The following SMYD3 variants were observed in gnomAD, a reference collection of about 807,000 sequenced individuals.
SMYD3 encodes the protein SET and MYND domain containing 3, also known as histone-lysine N-methyltransferase SMYD3.
A neutral mutation model predicts 57.7 loss-of-function variants in SMYD3; 36 were observed. That is an observed-to-expected ratio of 0.62 (90% confidence interval 0.48 to 0.82). SMYD3 has a LOEUF of 0.82. Among genes scored for constraint, SMYD3 ranks in the 40% least tolerant of loss-of-function variants. The pLI, the probability that SMYD3 is intolerant of heterozygous loss-of-function variation, is 0.00. For synonymous variants in SMYD3, 211 were observed against 195.0 expected, an observed-to-expected ratio of 1.08 and a Z score of -0.68; for missense variants, 515 against 538.8, an observed-to-expected ratio of 0.96 and a Z score of 0.44.
intron 5 of SMYD3, among the ~76,000 whole-genome samples, chr1:246,298,943 A>G (rs916119536): frequency 2.0e-5 from 3 of 152,178 alleles, no homozygotes; most frequent in African/African-American, 7.2e-5. Context: ...GGCAAGGATG[A>G]AAAAGAGTAA....
chr1:246,203,036 A>G lies in SMYD3; in HGVS notation c.531+124165T>C, dbSNP rs2062944183. Among the ~76,000 whole-genome samples, 1 of 152,154 alleles carries G rather than the reference A, an allele frequency of 6.6e-6. No homozygotes were observed. The highest frequency in any genetic ancestry group is 2.4e-5 in the African/African-American group (1 of 41,430). On this transcript the variant is annotated intron_variant, in intron 5 of 11. Transcript: ENST00000490107. The surrounding 1 kb of genome is among the most constrained non-coding windows in gnomAD (Gnocchi z 4.6). The stretch of plus-strand genomic sequence containing the variant: ...GCTACTCAGGAGGCTGAGACAGGAG[A>G]ATCACTTCAACCTGGGAGGGTGAGG...
intron 10 of SMYD3, among the ~76,000 whole-genome samples, chr1:245,764,436 T>G (rs1189601694): frequency 1.3e-5 from 2 of 149,294 alleles, no homozygotes; most frequent in African/African-American, 2.5e-5. Flanking sequence ...AGCTCTGCGT[T>G]GATATTTGGG....
intron 1 of SMYD3, among the ~76,000 whole-genome samples, chr1:246,448,704 T>TAAAAAA (rs1553349829): frequency 0.011 from 914 of 81,408 alleles, 40 homozygotes; most frequent in African/African-American, 0.045. Context: ...CTCTTTTTTT[T>TAAAAAA]AAAAAAAAAA....
At chr1:246,063,753 C>T (rs1423064681) in intron 5 of SMYD3, among the ~76,000 whole-genome samples, 1 of 152,102 alleles carries the variant, frequency 6.6e-6, no homozygotes, top group Non-Finnish European at 1.5e-5. Context: ...AATTCTCCTG[C>T]CTCAGCCTCC....
chr1:246,390,187 C>G (rs2066535580), intron 1 of SMYD3, among the ~76,000 whole-genome samples: 1 of 118,488 alleles, frequency 8.4e-6, no homozygotes, highest in Non-Finnish European at 1.6e-5. Flanking sequence ...GCACTCCAGC[C>G]TGGGTGACAG....
intron 5 of SMYD3, among the ~76,000 whole-genome samples, chr1:245,939,366 C>T (rs922607610): frequency 4.6e-5 from 7 of 152,146 alleles, no homozygotes; most frequent in African/African-American, 1.7e-4. Flanking sequence ...TGGTTCACAC[C>T]TGTAATCCCA....
intron 5 of SMYD3, among the ~76,000 whole-genome samples, chr1:246,034,825 A>G (rs1447434212): frequency 1.3e-5 from 2 of 152,176 alleles, no homozygotes; most frequent in African/African-American, 2.4e-5. Context: ...CGACGCTGCA[A>G]TGTAATCCCA....
intron 2 of SMYD3, among the ~76,000 whole-genome samples, chr1:246,345,546 A>G (rs1335121698): frequency 6.6e-6 from 1 of 152,238 alleles, no homozygotes; most frequent in Non-Finnish European, 1.5e-5. Flanking sequence ...AAAATACTCC[A>G]ATGAGCATTT....
chr1:245,796,495 C>T (rs1487810977), intron 10 of SMYD3, among the ~76,000 whole-genome samples: 1 of 152,018 alleles, frequency 6.6e-6, no homozygotes, highest in African/African-American at 2.4e-5. Context: ...ATCTTTTTAG[C>T]GGGGATAGCA....
chr1:245,798,388 G>GCACACACA (rs201844137), intron 10 of SMYD3, among the ~76,000 whole-genome samples: 1 of 2,382 alleles, frequency 4.2e-4, no homozygotes, highest in Non-Finnish European at 7.0e-4. Flanking sequence ...ACACACACAC[G>GCACACACA]CGCACACACA....
intron 5 of SMYD3, among the ~76,000 whole-genome samples, chr1:246,083,658 G>C (rs2066026): frequency 6.6e-6 from 1 of 152,110 alleles, no homozygotes; most frequent in Non-Finnish European, 1.5e-5. Context: ...GCAGCAGACA[G>C]GAAGAGCCAG....
chr1:246,111,206 T>G (rs1045007562), intron 5 of SMYD3: 1 of 152,126 alleles, frequency 6.6e-6, no homozygotes, highest in Non-Finnish European at 1.5e-5. Context: ...CATACTTAAG[T>G]TTTTCTAAAT....
intron 10 of SMYD3, among the ~76,000 whole-genome samples, chr1:245,812,933 G>A (rs572122780): frequency 1.3e-5 from 2 of 149,622 alleles, no homozygotes; most frequent in South Asian, 4.3e-4. Context: ...TTTGAGCAAA[G>A]AATAGAGGGG....
chr1:246,021,258 G>A (rs2059465837), intron 5 of SMYD3, among the ~76,000 whole-genome samples: 1 of 152,214 alleles, frequency 6.6e-6, no homozygotes, highest in South Asian at 2.1e-4. Context: ...AAGGAAGACA[G>A]AGGAGCTTTG....
intron 8 of SMYD3, among the ~76,000 whole-genome samples, chr1:245,879,210 C>G (rs191734147): frequency 6.6e-6 from 1 of 152,212 alleles, no homozygotes; most frequent in South Asian, 2.1e-4. Flanking sequence ...ACAAGGTTCA[C>G]GTTCTAGAAC....
chr1:246,167,284 T>C (rs2062232821), intron 5 of SMYD3, among the ~76,000 whole-genome samples: 2 of 152,186 alleles, frequency 1.3e-5, no homozygotes, highest in African/African-American at 4.8e-5. Flanking sequence ...TTTCCATTCT[T>C]TTGTGTGTGT....
At chr1:245,973,361 C>G (rs542924161) in intron 5 of SMYD3, among the ~76,000 whole-genome samples, 1 of 152,302 alleles carries the variant, frequency 6.6e-6, no homozygotes, top group African/African-American at 2.4e-5. Context: ...CCATGTTATA[C>G]ACAGGGTGTT....
intron 1 of SMYD3, among the ~76,000 whole-genome samples, chr1:246,401,804 C>T (rs1026231593): frequency 1.4e-4 from 21 of 151,656 alleles, no homozygotes; most frequent in Admixed American, 4.6e-4. Context: ...CTCACCACAA[C>T]CTCCACCTCC....
chr1:245,796,789 C>T (rs1180159198), intron 10 of SMYD3, among the ~76,000 whole-genome samples: 1 of 152,208 alleles, frequency 6.6e-6, no homozygotes, highest in African/African-American at 2.4e-5. Flanking sequence ...TCTTTTAGGA[C>T]AGCTAGATCA....
Sources: gnomAD v4.1 joint callset for allele counts (sites outside exome capture counted in the v4.1 genomes callset) on GRCh38, gnomAD v4.1.1 for gene constraint, Gnocchi (gnomAD v3.1) non-coding constraint, MANE v1.5 for transcripts, NCBI Gene and HGNC (gene_info 2026-07-23, HGNC 2026-07-21) for gene names.